XPO4: variants seen among roughly 807,000 people sequenced by gnomAD.
XPO4 encodes the protein exportin 4, also known as exportin-4.
Under a neutral mutation model 143.0 loss-of-function variants are expected in XPO4, and 39 were observed. That is an observed-to-expected ratio of 0.27 (90% confidence interval 0.21 to 0.36). XPO4 has a LOEUF of 0.36. XPO4 is among the 10% of genes least tolerant of loss of function. The pLI is 1.00. For missense variants in XPO4, 907 were observed against 1,348.0 expected (o/e 0.67, Z 5.12); for synonymous variants, 439 against 474.0 (o/e 0.93, Z 0.96).
intron 16 of XPO4, 104 bp downstream of exon 16, chr13:20,799,061 A>G (rs975076921): frequency 4.4e-5 from 48 of 1,101,714 alleles, no homozygotes; most frequent in Non-Finnish European, 5.8e-5. Flanking sequence ...AAGAAAAGCT[A>G]TGACTGATAC....
At chr13:20,788,428 T>A in intron 20 of XPO4, 58 bp downstream of exon 20, 1 of 1,559,598 alleles carries the variant, frequency 6.4e-7, no homozygotes, top group Non-Finnish European at 8.6e-7. Flanking sequence ...AACTTTTCTT[T>A]AAAGGAAGAT....
intron 21 of XPO4, 103 bp from the exon 22 acceptor site, chr13:20,787,160 A>G (rs1331809040): frequency 1.4e-5 from 14 of 982,484 alleles, no homozygotes; most frequent in Non-Finnish European, 1.8e-5. Flanking sequence ...TTGTTATTCT[A>G]TTTATTAAAT....
intron 2 of XPO4, chr13:20,868,364 C>A: frequency 2.0e-6 from 1 of 489,930 alleles, no homozygotes; most frequent in East Asian, 5.8e-5. Flanking sequence ...AATAATAAAA[C>A]AAATTATGAA....
At position 20,809,126 on chromosome 13, in the gene XPO4, G is replaced by A. The variant is rs367960759; in HGVS notation, c.1450C>T (p.Leu484=). 7.4e-6 allele frequency: 12 copies of A among 1,613,908 alleles called. No homozygotes were observed. The highest frequency in any genetic ancestry group is 3.3e-5 in the Admixed American group (2 of 59,990). The change falls in exon 11 of 23, where the codon CTA becomes TTA. Residue 484 remains leucine, a synonymous_variant. Coordinates refer to ENST00000255305, the MANE Select transcript of XPO4 (RefSeq NM_022459.5). The part of the protein sequence containing the change: ...FSDQLASVGM[L]GRIAAEHCIP... ...CAGTGTTCTGCAGCAATTCTTCCTA[G>A]CATTCCTACACTGGCCAGTTGATCA...
rs1212712351 is a variant in XPO4, at chr13:20,796,906, G to C, written c.2474C>G (p.Ala825Gly). 6.2e-7 allele frequency: 1 copy of C among 1,614,116 alleles called. No homozygotes were observed. The highest frequency in any genetic ancestry group is 2.2e-5 in the East Asian group (1 of 44,878). The change falls in exon 17 of 23, where the codon GCA becomes GGA. Residue 825 changes from alanine (A) to glycine (G), a missense_variant. Ala to Gly is a moderately conservative substitution (Grantham distance 60). Transcript: ENST00000255305. ...GTCCATTAAAAAATTAAACAGGATTGCTACGTTGTCAATCTGGGTAGCCTC... is the reference window on the plus strand; with the variant it reads ...GTCCATTAAAAAATTAAACAGGATTCCTACGTTGTCAATCTGGGTAGCCTC... Reference protein sequence around the residue: ...IAEATQIDNVAILFNFLMDFL... With the variant: ...IAEATQIDNVGILFNFLMDFL...
At chr13:20,824,850 G>A (rs1027622826) in intron 7 of XPO4, among the ~76,000 whole-genome samples, 2 of 152,138 alleles carry the variant, frequency 1.3e-5, no homozygotes, top group African/African-American at 2.4e-5. Context: ...GAATTCTACT[G>A]GAACATGTTA....
At chr13:20,866,454 A>T in intron 2 of XPO4, 1 of 884,520 alleles carries the variant, frequency 1.1e-6, no homozygotes, top group African/African-American at 1.8e-5. Flanking sequence ...AATGACACAT[A>T]ATCCCTAAAC....
At chr13:20,832,153 A>G (rs1245701072) in intron 6 of XPO4, among the ~76,000 whole-genome samples, 1 of 152,320 alleles carries the variant, frequency 6.6e-6, no homozygotes, top group East Asian at 1.9e-4. Flanking sequence ...AGACAAACAT[A>G]TACCAGGCCA....
chr13:20,784,826 C>T (rs1329198154), intron 22 of XPO4, among the ~76,000 whole-genome samples: 2 of 152,106 alleles, frequency 1.3e-5, no homozygotes, highest in Non-Finnish European at 2.9e-5. Flanking sequence ...AGCTGTAGTC[C>T]CAGCTACTTG....
chr13:20,836,340 G>T (rs910943243), intron 6 of XPO4, among the ~76,000 whole-genome samples: 1 of 152,172 alleles, frequency 6.6e-6, no homozygotes, highest in African/African-American at 2.4e-5. Flanking sequence ...GGTAACAGAC[G>T]ATGTTGACTA....
intron 18 of XPO4, among the ~76,000 whole-genome samples, chr13:20,793,953 G>T (rs2059320574): frequency 6.6e-6 from 1 of 152,312 alleles, no homozygotes; most frequent in South Asian, 2.1e-4. Flanking sequence ...TAAGGAAGCA[G>T]AGAGGCAGTT....
chr13:20,832,499 A>G (rs1201854777), intron 6 of XPO4, among the ~76,000 whole-genome samples: 1 of 152,188 alleles, frequency 6.6e-6, no homozygotes, highest in East Asian at 1.9e-4. Flanking sequence ...TTACTTTACA[A>G]TATAGAAAGA....
intron 13 of XPO4, among the ~76,000 whole-genome samples, chr13:20,805,715 C>T (rs991678433): frequency 1.3e-5 from 2 of 152,164 alleles, no homozygotes; most frequent in Non-Finnish European, 2.9e-5. Context: ...ATTCTCTCTC[C>T]TTTATAAAGA....
In XPO4 at chr13:20,855,729, T is replaced by C. The variant is rs753160347; in HGVS notation, c.354A>G (p.Ala118=). The change falls in exon 4 of 23, where the codon GCA becomes GCG. Residue 118 remains alanine (A), a synonymous_variant. Coordinates refer to ENST00000255305, the MANE Select transcript of XPO4 (RefSeq NM_022459.5). ...ATCCTCTTTTTACAATTACTGCTACTGCTAGTAGAATCTGTTCCCGAACAT... is the reference window on the plus strand; with the variant it reads ...ATCCTCTTTTTACAATTACTGCTACCGCTAGTAGAATCTGTTCCCGAACAT... ...QKYVREQILL[A]VAVIVKRGSL... 3.7e-6 allele frequency: 6 copies of C among 1,606,782 alleles called. No homozygotes were observed. The highest frequency in any genetic ancestry group is 1.3e-5 in the African/African-American group (1 of 74,660).
At chr13:20,845,388 A>T (rs2060020448) in intron 4 of XPO4, among the ~76,000 whole-genome samples, 3 of 152,222 alleles carry the variant, frequency 2.0e-5, no homozygotes, top group Admixed American at 2.0e-4. Flanking sequence ...AGTTCTCTGA[A>T]TGTTACTGGT....
chr13:20,813,230 T>A (rs945216803), intron 9 of XPO4, among the ~76,000 whole-genome samples: 1 of 152,060 alleles, frequency 6.6e-6, no homozygotes, highest in African/African-American at 2.4e-5. Flanking sequence ...TATTACAAGA[T>A]TACAATTCGA....
intron 1 of XPO4, among the ~76,000 whole-genome samples, chr13:20,898,549 T>A (rs1307569605): frequency 6.6e-6 from 1 of 150,540 alleles, no homozygotes; most frequent in Non-Finnish European, 1.5e-5. Flanking sequence ...TGGGCAAGAG[T>A]AAGACTGTCT....
At chr13:20,789,208 T>G (rs569969383) in intron 19 of XPO4, among the ~76,000 whole-genome samples, 1 of 151,936 alleles carries the variant, frequency 6.6e-6, no homozygotes, top group Non-Finnish European at 1.5e-5. Context: ...ATATGGAGAG[T>G]TGACTAAACT....
At chr13:20,826,255 TA>T (rs2059783781) in intron 7 of XPO4, among the ~76,000 whole-genome samples, 2 of 152,298 alleles carry the variant, frequency 1.3e-5, no homozygotes, top group South Asian at 4.1e-4. Context: ...TAGCCAATAA[TA>T]AAGAGGACTG....
Sources: allele counts gnomAD v4.1 joint callset (sites outside exome capture counted in the v4.1 genomes callset), GRCh38; gene constraint gnomAD v4.1.1; transcripts MANE v1.5; gene names NCBI Gene and HGNC (gene_info 2026-07-23, HGNC 2026-07-21).